MSRB3: variants seen among roughly 807,000 people sequenced by gnomAD.
MSRB3 encodes the protein methionine sulfoxide reductase B3, also known as methionine-R-sulfoxide reductase B3.
In MSRB3, 13 loss-of-function variants were observed where a neutral mutation model predicts 21.0. The ratio of observed to expected loss-of-function variants is 0.62; its 90% CI spans 0.40 to 0.98. The LOEUF is 0.98. Among genes scored for constraint, MSRB3 ranks in the 50% least tolerant of loss-of-function variants. The pLI is 0.00. For synonymous variants in MSRB3, 87 were observed against 88.6 expected (o/e 0.98, Z 0.10); for missense variants, 199 against 230.3 (o/e 0.86, Z 0.88).
intron 4 of MSRB3, among the ~76,000 whole-genome samples, chr12:65,366,366 A>C (rs79712476): frequency 1.3e-5 from 2 of 152,264 alleles, no homozygotes; most frequent in Non-Finnish European, 2.9e-5. Flanking sequence ...TGTAGGTCAG[A>C]GTAGCAACTT....
At chr12:65,366,497 C>T (rs1205563832) in intron 4 of MSRB3, among the ~76,000 whole-genome samples, 1 of 152,098 alleles carries the variant, frequency 6.6e-6, no homozygotes, top group South Asian at 2.1e-4. Flanking sequence ...AAGCTTCTTG[C>T]TCATCATTGG....
chr12:65,314,071 A>G (rs1340404573), intron 2 of MSRB3, among the ~76,000 whole-genome samples: 2 of 152,178 alleles, frequency 1.3e-5, no homozygotes, highest in Admixed American at 1.3e-4. Context: ...CAATATTTGT[A>G]GAGCACAAAA....
intron 2 of MSRB3, among the ~76,000 whole-genome samples, chr12:65,316,875 C>T (rs61921474): frequency 0.23 from 34,453 of 151,790 alleles, 4,519 homozygotes; most frequent in Admixed American, 0.34. Context: ...CAAGCAATGA[C>T]AGTTCTTCTG....
intron 4 of MSRB3, among the ~76,000 whole-genome samples, chr12:65,364,236 G>T (rs951209618): frequency 2.6e-5 from 4 of 152,036 alleles, no homozygotes; most frequent in South Asian, 2.1e-4. Flanking sequence ...TATCCTTTTG[G>T]CAAGAACTTA....
chr12:65,309,888 A>G (rs913269961), intron 2 of MSRB3, among the ~76,000 whole-genome samples: 10 of 152,124 alleles, frequency 6.6e-5, no homozygotes, highest in African/African-American at 1.9e-4. Context: ...TAGAAGAGGT[A>G]AGGAAGGAAA....
In MSRB3 at chr12:65,463,715, C is replaced by T; in HGVS notation, c.*393C>T. The T allele has an allele frequency of 4.2e-6, 1 of 238,196 alleles. No homozygotes were observed. Among genetic ancestry groups the T allele is most frequent in the Non-Finnish European group, 8.2e-6 (1 of 121,290 alleles). 14.8% of individuals were successfully genotyped at this position (238,196 alleles called of 1,614,324 possible). ...GAGACCAGAGCTGGGCAGTGCAGGG[C>T]ATGGAGACCTGCAAGACACATGGCC... On this transcript the variant is annotated 3_prime_UTR_variant, in exon 7 of 7. Transcript: ENST00000308259.
chr12:65,315,664 T>G (rs1170913485), intron 2 of MSRB3, among the ~76,000 whole-genome samples: 1 of 107,444 alleles, frequency 9.3e-6, no homozygotes, highest in Non-Finnish European at 1.8e-5. Context: ...TGAGACTCTG[T>G]CTCCATCTCA....
intron 6 of MSRB3, among the ~76,000 whole-genome samples, chr12:65,458,242 C>T (rs1883177267): frequency 6.6e-6 from 1 of 152,154 alleles, no homozygotes; most frequent in African/African-American, 2.4e-5. Flanking sequence ...ATTCTCACTT[C>T]AGTGCTTAGG....
chr12:65,396,630 G>A (rs1206023175), intron 5 of MSRB3, among the ~76,000 whole-genome samples: 4 of 151,078 alleles, frequency 2.6e-5, no homozygotes, highest in Non-Finnish European at 1.5e-5. Flanking sequence ...AGCAGAGGCT[G>A]CAGTGAGCCA....
chr12:65,446,651 A>T (rs1240649613), intron 5 of MSRB3, among the ~76,000 whole-genome samples: 2 of 152,200 alleles, frequency 1.3e-5, no homozygotes, highest in Admixed American at 1.3e-4. Context: ...TAGGAGGAGT[A>T]AAAGTAGAAG....
At chr12:65,336,982 G>T (rs1224342631) in intron 4 of MSRB3, among the ~76,000 whole-genome samples, 1 of 152,188 alleles carries the variant, frequency 6.6e-6, no homozygotes, top group Non-Finnish European at 1.5e-5. Flanking sequence ...GGTGGCTCAC[G>T]CCTGTAATCT....
intron 1 of MSRB3, among the ~76,000 whole-genome samples, chr12:65,287,658 A>T (rs1225984022): frequency 6.6e-6 from 1 of 152,194 alleles, no homozygotes; most frequent in East Asian, 1.9e-4. Flanking sequence ...ATTGAGAGCA[A>T]AAAGGAAAAA....
At position 65,465,787 on chromosome 12, in the gene MSRB3, T is replaced by C. The variant is rs1883543916; in HGVS notation, c.*2465T>C. 1 of 152,252 alleles carries C rather than the reference T, an allele frequency of 6.6e-6. No individual in the cohort carries two copies. The highest frequency in any genetic ancestry group is 6.5e-5 in the Admixed American group (1 of 15,286). The allele number at this position is 152,252 out of a possible 1,614,324, so 9.4% of individuals were successfully genotyped here. ...AAAATTTAAGACCAGACCTCAGCCATCAGCGTCCAGACCATCCTAGAAGTC... is the reference window on the plus strand; with the variant it reads ...AAAATTTAAGACCAGACCTCAGCCACCAGCGTCCAGACCATCCTAGAAGTC... On this transcript the variant is annotated 3_prime_UTR_variant, in exon 7 of 7. Coordinates refer to ENST00000308259, the MANE Select transcript of MSRB3 (RefSeq NM_001031679.3).
At chr12:65,415,632 C>T (rs564406830) in intron 5 of MSRB3, among the ~76,000 whole-genome samples, 1 of 152,132 alleles carries the variant, frequency 6.6e-6, no homozygotes, top group South Asian at 2.1e-4. Context: ...GCTGGTCTTA[C>T]AAGAGAATTT....
intron 5 of MSRB3, among the ~76,000 whole-genome samples, chr12:65,448,873 C>T (rs545975400): frequency 6.6e-6 from 1 of 152,122 alleles, no homozygotes; most frequent in East Asian, 1.9e-4. Context: ...TCATTATGAG[C>T]CATCTTGTTT....
In MSRB3 at chr12:65,465,685, G is replaced by C. The variant is rs940659233; in HGVS notation, c.*2363G>C. 1 of 152,042 alleles carries C rather than the reference G, an allele frequency of 6.6e-6. No homozygotes were observed. Among genetic ancestry groups the C allele is most frequent in the Non-Finnish European group, 1.5e-5 (1 of 68,036 alleles). 9.4% of individuals were successfully genotyped at this position (152,042 alleles called of 1,614,324 possible). A position where few individuals can be genotyped will look rare whatever the true frequency, so the allele number is the denominator to read the frequency against. Reference sequence around the variant, plus strand: ...TCTGAGCATCCAGATGTTCCCTCAGGTTCCAAGACATTTCACCCCAGGCCC... The same window carrying C: ...TCTGAGCATCCAGATGTTCCCTCAGCTTCCAAGACATTTCACCCCAGGCCC... On this transcript the variant is annotated 3_prime_UTR_variant, in exon 7 of 7. Coordinates refer to ENST00000308259, the MANE Select transcript of MSRB3 (RefSeq NM_001031679.3).
At chr12:65,380,497 C>A (rs1296092117) in intron 5 of MSRB3, among the ~76,000 whole-genome samples, 1 of 152,076 alleles carries the variant, frequency 6.6e-6, no homozygotes, top group Non-Finnish European at 1.5e-5. Context: ...ATTGCTTGAA[C>A]CCGGGAGGTG....
chr12:65,355,824 C>T (rs1877350893), intron 4 of MSRB3, among the ~76,000 whole-genome samples: 1 of 151,746 alleles, frequency 6.6e-6, no homozygotes, highest in Non-Finnish European at 1.5e-5. Context: ...ACTGACTGAC[C>T]AAATATACCT....
intron 4 of MSRB3, among the ~76,000 whole-genome samples, chr12:65,365,927 C>G (rs941111164): frequency 1.3e-5 from 2 of 152,136 alleles, no homozygotes; most frequent in African/African-American, 4.8e-5. Flanking sequence ...CTTCCAATGG[C>G]CATGGAATCT....
Sources: gnomAD v4.1 joint callset for allele counts (sites outside exome capture counted in the v4.1 genomes callset) on GRCh38, gnomAD v4.1.1 for gene constraint, MANE v1.5 for transcripts, NCBI Gene and HGNC (gene_info 2026-07-23, HGNC 2026-07-21) for gene names.